The following SPMIP7 variants were observed in gnomAD, a reference collection of about 807,000 sequenced individuals.
The protein encoded by SPMIP7 is sperm microtubule inner protein 7.
the SPMIP7 span, among the ~76,000 whole-genome samples, chr7:50,115,886 G>A: frequency 6.6e-6 from 1 of 152,102 alleles, no homozygotes; most frequent in Admixed American, 6.5e-5. Context: ...ATAGTGAAAT[G>A]TTGAAAGCAT....
chr7:50,109,623 C>T, the SPMIP7 span, among the ~76,000 whole-genome samples: 8 of 152,180 alleles, frequency 5.3e-5, no homozygotes, highest in African/African-American at 2.4e-5. Flanking sequence ...GATCCACCCG[C>T]CTCGGCCTCC....
At chr7:50,154,406 C>T in the SPMIP7 span, among the ~76,000 whole-genome samples, 56 of 152,316 alleles carry the variant, frequency 3.7e-4, no homozygotes, top group East Asian at 0.011. Context: ...CACCCCCCAC[C>T]GAATCCCTCA....
chr7:50,147,120 T>C, the SPMIP7 span, among the ~76,000 whole-genome samples: 1 of 152,226 alleles, frequency 6.6e-6, no homozygotes, highest in Non-Finnish European at 1.5e-5. Context: ...ATTTTTTAAA[T>C]TAAAAGTATT....
At chr7:50,141,363 A>G in the SPMIP7 span, 1 of 1,551,036 alleles carries the variant, frequency 6.4e-7, no homozygotes, top group Non-Finnish European at 8.7e-7. Context: ...GCGGTACTCT[A>G]AGCCTCTTTA....
chr7:50,105,871 T>C, the SPMIP7 span, among the ~76,000 whole-genome samples: 1 of 152,332 alleles, frequency 6.6e-6, no homozygotes, highest in Non-Finnish European at 1.5e-5. Context: ...AGGTAAATCC[T>C]GTGAGAGCAA....
At chr7:50,117,325 T>G in the SPMIP7 span, 1 of 439,896 alleles carries the variant, frequency 2.3e-6, no homozygotes, top group African/African-American at 2.0e-5. Flanking sequence ...CTAAGCCATA[T>G]TTTAATTGTT....
chr7:50,099,884 CA>C, the SPMIP7 span, among the ~76,000 whole-genome samples: 1 of 152,142 alleles, frequency 6.6e-6, no homozygotes, highest in Non-Finnish European at 1.5e-5. Context: ...CATCTTCCCC[CA>C]GGGGGTTAAA....
the SPMIP7 span, among the ~76,000 whole-genome samples, chr7:50,114,165 A>T: frequency 6.6e-6 from 1 of 152,188 alleles, no homozygotes; most frequent in Non-Finnish European, 1.5e-5. Context: ...CTTTAGACAG[A>T]AGAAAATAAT....
At chr7:50,120,607 A>C in the SPMIP7 span, among the ~76,000 whole-genome samples, 1 of 152,140 alleles carries the variant, frequency 6.6e-6, no homozygotes, top group Non-Finnish European at 1.5e-5. Flanking sequence ...CTGCCACCGA[A>C]TGCACCAGGG....
At chr7:50,120,550 A>G in the SPMIP7 span, among the ~76,000 whole-genome samples, 1 of 152,288 alleles carries the variant, frequency 6.6e-6, no homozygotes, top group East Asian at 1.9e-4. Context: ...TTACTACTAC[A>G]GAAAGCTTAA....
chr7:50,130,312 A>T, the SPMIP7 span, among the ~76,000 whole-genome samples: 1 of 152,130 alleles, frequency 6.6e-6, no homozygotes, highest in African/African-American at 2.4e-5. Context: ...GAGGCCTCAC[A>T]ATCATGGCAG....
the SPMIP7 span, among the ~76,000 whole-genome samples, chr7:50,155,374 C>T: frequency 3.3e-5 from 5 of 152,152 alleles, no homozygotes; most frequent in African/African-American, 4.8e-5. Flanking sequence ...GGACATAAAA[C>T]AATGTCAAAA....
chr7:50,129,737 T>C, the SPMIP7 span: 2 of 1,548,676 alleles, frequency 1.3e-6, no homozygotes, highest in Non-Finnish European at 1.7e-6. Flanking sequence ...AACCACTTGT[T>C]CAAACAAACA....
the SPMIP7 span, chr7:50,096,517 A>T: frequency 7.3e-5 from 113 of 1,551,706 alleles, no homozygotes; most frequent in Non-Finnish European, 7.0e-6. Flanking sequence ...GAGTTCCCAG[A>T]CCAGACACAG....
the SPMIP7 span, among the ~76,000 whole-genome samples, chr7:50,151,786 A>T: frequency 6.6e-6 from 1 of 152,196 alleles, no homozygotes; most frequent in Non-Finnish European, 1.5e-5. Flanking sequence ...CCAAAATTAC[A>T]CTGAAAACCA....
chr7:50,143,826 T>C, the SPMIP7 span, among the ~76,000 whole-genome samples: 1 of 152,228 alleles, frequency 6.6e-6, no homozygotes, highest in African/African-American at 2.4e-5. Flanking sequence ...TGCTTTTGTA[T>C]ATTTACATAG....
chr7:50,116,624 T>C, the SPMIP7 span, among the ~76,000 whole-genome samples: 1 of 152,212 alleles, frequency 6.6e-6, no homozygotes, highest in Non-Finnish European at 1.5e-5. Context: ...AATATGCTAT[T>C]ATCTGGAATG....
chr7:50,107,880 A>G, the SPMIP7 span, among the ~76,000 whole-genome samples: 1 of 152,236 alleles, frequency 6.6e-6, no homozygotes, highest in Non-Finnish European at 1.5e-5. Flanking sequence ...GTCTCAAGTT[A>G]AAGGAGGCAA....
chr7:50,112,420 A>G, the SPMIP7 span, among the ~76,000 whole-genome samples: 118,391 of 152,000 alleles, frequency 0.78, 46,226 homozygotes, highest in East Asian at 0.88. Context: ...ATGATTAGCA[A>G]CACCCCTGAC....
Sources: allele counts gnomAD v4.1 joint callset (sites outside exome capture counted in the v4.1 genomes callset), GRCh38; gene constraint gnomAD v4.1.1; transcripts MANE v1.5; gene names NCBI Gene and HGNC (gene_info 2026-07-23, HGNC 2026-07-21).